BZW2: variants seen among roughly 807,000 people sequenced by gnomAD.
BZW2 encodes basic leucine zipper and W2 domains 2, also known as eIF5-mimic protein 1.
In BZW2, 23 loss-of-function variants were observed where a neutral mutation model predicts 53.2. The observed-to-expected ratio is 0.43, with a 90% CI of 0.31 to 0.61. The LOEUF (loss-of-function observed/expected upper bound fraction) is 0.61, where lower values mean the gene tolerates loss of function less well. Ranked by LOEUF, BZW2 falls within the 20% of genes least tolerant of loss-of-function variation. BZW2 has a pLI of 0.09. For synonymous variants in BZW2, 227 were observed against 186.4 expected (o/e 1.22, Z -1.77); for missense variants, 409 against 503.1 (o/e 0.81, Z 1.79).
intron 9 of BZW2, among the ~76,000 whole-genome samples, chr7:16,697,502 A>G (rs1783536926): frequency 6.6e-6 from 1 of 152,352 alleles, no homozygotes; most frequent in South Asian, 2.1e-4. Context: ...AGCGTTCATG[A>G]GAACATAGCA....
intron 1 of BZW2, among the ~76,000 whole-genome samples, chr7:16,656,150 T>TATATATATATATATATACACAC (rs143994492): frequency 1.3e-5 from 2 of 150,164 alleles, no homozygotes; most frequent in African/African-American, 5.0e-5. Context: ...TATATATATA[T>TATATATATATATATATACACAC]ACATAAATAT....
At chr7:16,699,760 A>G (rs1291562466) in intron 10 of BZW2, among the ~76,000 whole-genome samples, 1 of 152,154 alleles carries the variant, frequency 6.6e-6, no homozygotes, top group Non-Finnish European at 1.5e-5. Context: ...AAAATCCTTC[A>G]GATTTCTCAT....
intron 1 of BZW2, among the ~76,000 whole-genome samples, chr7:16,663,199 G>A (rs1053536830): frequency 3.3e-5 from 5 of 152,208 alleles, no homozygotes; most frequent in East Asian, 1.9e-4. Flanking sequence ...ATTTCGATAT[G>A]TTGCTGTTGC....
chr7:16,686,230 T>G, intron 6 of BZW2, 190 bp downstream of exon 6: 2 of 877,458 alleles, frequency 2.3e-6, no homozygotes, highest in South Asian at 3.5e-5. Flanking sequence ...TGTAGGAAGT[T>G]TGAAGGAAAA....
chr7:16,669,583 A>G (rs2128356305), intron 2 of BZW2, among the ~76,000 whole-genome samples: 1 of 152,224 alleles, frequency 6.6e-6, no homozygotes, highest in South Asian at 2.1e-4. Flanking sequence ...AAAAGAAAAT[A>G]TGTGATTTTT....
intron 4 of BZW2, among the ~76,000 whole-genome samples, chr7:16,682,372 A>T (rs1782975451): frequency 1.3e-5 from 2 of 152,154 alleles, no homozygotes; most frequent in South Asian, 4.1e-4. Flanking sequence ...TCTGCTAGAA[A>T]CATGTTTGTT....
intron 7 of BZW2, among the ~76,000 whole-genome samples, chr7:16,691,174 A>G (rs1313731990): frequency 6.6e-6 from 1 of 152,234 alleles, no homozygotes; most frequent in Non-Finnish European, 1.5e-5. Context: ...ATTCTAGTTC[A>G]TAATAATTTT....
chr7:16,698,318 GT>G, intron 10 of BZW2, 132 bp downstream of exon 10: 1 of 1,246,778 alleles, frequency 8.0e-7, no homozygotes, highest in Non-Finnish European at 1.1e-6. Context: ...ATTTGTGAAA[GT>G]TTTATTGAGG....
At chr7:16,656,748 G>A (rs1283269856) in intron 1 of BZW2, among the ~76,000 whole-genome samples, 1 of 152,000 alleles carries the variant, frequency 6.6e-6, no homozygotes, top group African/African-American at 2.4e-5. Context: ...CCCTTTCCTT[G>A]TGTACTGAAA....
intron 5 of BZW2, among the ~76,000 whole-genome samples, chr7:16,683,052 C>G (rs558200173): frequency 6.6e-6 from 1 of 152,018 alleles, no homozygotes; most frequent in African/African-American, 2.4e-5. Flanking sequence ...AAAAATTACC[C>G]GGGCATGGTG....
intron 3 of BZW2, among the ~76,000 whole-genome samples, chr7:16,678,087 CTTT>C (rs71007780): frequency 6.0e-5 from 4 of 66,910 alleles, no homozygotes; most frequent in Non-Finnish European, 8.6e-5. Flanking sequence ...TTCCATTGTT[CTTT>C]TTTTTTTTTT....
chr7:16,687,599 C>A (rs1043765157), intron 6 of BZW2: 7 of 152,062 alleles, frequency 4.6e-5, no homozygotes, highest in Non-Finnish European at 1.0e-4. Context: ...CACACCTGTA[C>A]AATCCCAGCT....
chr7:16,670,710 C>T (rs1040498243), intron 2 of BZW2, among the ~76,000 whole-genome samples: 3 of 152,166 alleles, frequency 2.0e-5, no homozygotes, highest in Non-Finnish European at 4.4e-5. Flanking sequence ...CCCACTCCAC[C>T]TAATGTATTC....
At chr7:16,674,935 G>T (rs560223604) in intron 3 of BZW2, among the ~76,000 whole-genome samples, 12 of 152,214 alleles carry the variant, frequency 7.9e-5, no homozygotes, top group African/African-American at 2.9e-4. Flanking sequence ...ATAACTTAGT[G>T]TATAAATTTC....
intron 2 of BZW2, among the ~76,000 whole-genome samples, chr7:16,667,545 C>T (rs1050677414): frequency 6.6e-6 from 1 of 152,114 alleles, no homozygotes; most frequent in African/African-American, 2.4e-5. Context: ...GCAGTGCTGT[C>T]TCCATTTAAG....
At chr7:16,689,291 G>C (rs1783228066) in intron 6 of BZW2, among the ~76,000 whole-genome samples, 3 of 152,116 alleles carry the variant, frequency 2.0e-5, no homozygotes, top group Admixed American at 2.0e-4. Flanking sequence ...TAAGGTAAAT[G>C]ATATGTGTTC....
At chr7:16,699,689 C>T (rs1783609888) in intron 10 of BZW2, among the ~76,000 whole-genome samples, 1 of 152,006 alleles carries the variant, frequency 6.6e-6, no homozygotes, top group African/African-American at 2.4e-5. Context: ...GTAATGAAAT[C>T]ACAAAGAATC....
intron 6 of BZW2, chr7:16,687,136 T>C (rs1783151914): frequency 6.6e-6 from 1 of 152,216 alleles, no homozygotes; most frequent in Non-Finnish European, 1.5e-5. Flanking sequence ...ACTTCCTTTG[T>C]AATATATCCA....
chr7:16,669,481 C>G (rs1782536125), intron 2 of BZW2, among the ~76,000 whole-genome samples: 1 of 152,090 alleles, frequency 6.6e-6, no homozygotes, highest in African/African-American at 2.4e-5. Context: ...GTGTTAATAA[C>G]TAAATGAGCA....
Sources: gnomAD v4.1 joint callset for allele counts (sites outside exome capture counted in the v4.1 genomes callset) on GRCh38, gnomAD v4.1.1 for gene constraint, MANE v1.5 for transcripts, NCBI Gene and HGNC (gene_info 2026-07-23, HGNC 2026-07-21) for gene names.